The following CEP85L variants were observed in gnomAD, a reference collection of about 807,000 sequenced individuals.
CEP85L encodes the protein centrosomal protein 85L.
A neutral mutation model predicts 100.3 loss-of-function variants in CEP85L; 60 were observed. The ratio of observed to expected loss-of-function variants is 0.60; its 90% CI spans 0.49 to 0.74. CEP85L has a LOEUF of 0.74. Ranked by LOEUF, CEP85L falls within the 30% of genes least tolerant of loss-of-function variation. The pLI is 0.00. For synonymous variants in CEP85L, 319 were observed against 322.7 expected, an observed-to-expected ratio of 0.99 and a Z score of 0.12; for missense variants, 973 against 936.2, an observed-to-expected ratio of 1.04 and a Z score of -0.51.
At chr6:118,676,390 T>A (rs2115437705) in intron 1 of CEP85L, among the ~76,000 whole-genome samples, 1 of 152,304 alleles carries the variant, frequency 6.6e-6, no homozygotes, top group Non-Finnish European at 1.5e-5. Context: ...TCTGCTTCCA[T>A]TAGTTTAACT....
intron 4 of CEP85L, among the ~76,000 whole-genome samples, chr6:118,523,378 C>T (rs113763266): frequency 4.2e-4 from 64 of 152,148 alleles, no homozygotes; most frequent in Non-Finnish European, 7.8e-4. Context: ...TTTACACATT[C>T]GTCATTTTTG....
intron 2 of CEP85L, among the ~76,000 whole-genome samples, chr6:118,630,991 G>A (rs1303780102): frequency 1.3e-5 from 2 of 152,200 alleles, no homozygotes; most frequent in South Asian, 2.1e-4. Flanking sequence ...ACCCTGGTCC[G>A]TGGAAAAACT....
chr6:118,474,342 A>G (rs186857331), intron 10 of CEP85L, among the ~76,000 whole-genome samples: 1 of 152,214 alleles, frequency 6.6e-6, no homozygotes, highest in Non-Finnish European at 1.5e-5. Context: ...CTTCAGACTG[A>G]CAGAGCCAAT....
intron 2 of CEP85L, among the ~76,000 whole-genome samples, chr6:118,575,560 C>T (rs147995465): frequency 1.5e-3 from 221 of 152,266 alleles, no homozygotes; most frequent in Non-Finnish European, 2.4e-3. Context: ...CCAAACACCT[C>T]TAACTTCCCT....
At chr6:118,702,712 G>T (rs1020498037) in intron 1 of CEP85L, among the ~76,000 whole-genome samples, 1 of 151,952 alleles carries the variant, frequency 6.6e-6, no homozygotes, top group Non-Finnish European at 1.5e-5. Flanking sequence ...AAGAGCTGGA[G>T]TTGGCCAGGC....
chr6:118,572,515 T>G (rs559619271), intron 2 of CEP85L, among the ~76,000 whole-genome samples: 1 of 151,798 alleles, frequency 6.6e-6, no homozygotes, highest in East Asian at 2.0e-4. Context: ...GAGGTTGCAG[T>G]GAGCTGAGAT....
intron 1 of CEP85L, among the ~76,000 whole-genome samples, chr6:118,667,798 C>T (rs928541828): frequency 2.0e-5 from 3 of 152,174 alleles, no homozygotes; most frequent in African/African-American, 7.2e-5. Context: ...ATCTACTACC[C>T]ACTGTGTGTC....
chr6:118,640,788 C>A (rs1774814607), intron 1 of CEP85L, among the ~76,000 whole-genome samples: 1 of 152,128 alleles, frequency 6.6e-6, no homozygotes, highest in Admixed American at 6.5e-5. Context: ...CTCAGCCTCC[C>A]AAAGTACTGG....
rs769198684 is a variant in CEP85L at position 118,588,359 on chromosome 6, G to A, written c.233-22043C>T. Among the ~76,000 whole-genome samples the A allele has an allele frequency of 2.4e-4, 37 of 152,046 alleles. 1 individual carries two copies. Among genetic ancestry groups the A allele is most frequent in the Non-Finnish European group, 3.4e-4 (23 of 68,024 alleles). On this transcript the variant is annotated intron_variant, in intron 2 of 12. Transcript: ENST00000368491. Reference sequence around the variant, plus strand: ...CAATGAGGATGGAAGGCAACTGTATGGGCCATAGAGGCACAACCACAATCT... The same window carrying A: ...CAATGAGGATGGAAGGCAACTGTATAGGCCATAGAGGCACAACCACAATCT...
At chr6:118,491,230 CACACACACAT>C (rs368541896) in intron 6 of CEP85L, among the ~76,000 whole-genome samples, 166 of 133,530 alleles carry the variant, frequency 1.2e-3, no homozygotes, top group South Asian at 2.6e-3. Context: ...CACACACACA[CACACACACAT>C]ATGCATGCAT....
At chr6:118,647,825 T>C (rs574628239) in intron 1 of CEP85L, among the ~76,000 whole-genome samples, 2 of 152,322 alleles carry the variant, frequency 1.3e-5, no homozygotes, top group African/African-American at 2.4e-5. Flanking sequence ...TTCTGAACAA[T>C]AGGGTAATCT....
chr6:118,594,984 G>C (rs527973679), intron 2 of CEP85L, among the ~76,000 whole-genome samples: 12 of 152,062 alleles, frequency 7.9e-5, no homozygotes, highest in Admixed American at 3.9e-4. Flanking sequence ...TCCTGAGGAA[G>C]GTTACGAGCC....
At chr6:118,599,009 T>C (rs192182448) in intron 2 of CEP85L, among the ~76,000 whole-genome samples, 2 of 152,330 alleles carry the variant, frequency 1.3e-5, no homozygotes, top group East Asian at 1.9e-4. Flanking sequence ...TCAATACTAA[T>C]ACTGACGAAT....
intron 1 of CEP85L, among the ~76,000 whole-genome samples, chr6:118,635,169 ATATGAG>A (rs1216460777): frequency 1.3e-5 from 2 of 152,218 alleles, no homozygotes; most frequent in Non-Finnish European, 2.9e-5. Context: ...TTACAAATAA[ATATGAG>A]TATAAGGACA....
chr6:118,597,479 T>G (rs1209110525), intron 2 of CEP85L, among the ~76,000 whole-genome samples: 1 of 152,138 alleles, frequency 6.6e-6, no homozygotes, highest in Non-Finnish European at 1.5e-5. Context: ...AACAAAAATT[T>G]TAACATATTT....
chr6:118,524,368 C>T (rs1214752997), intron 3 of CEP85L, among the ~76,000 whole-genome samples: 3 of 152,026 alleles, frequency 2.0e-5, no homozygotes, highest in East Asian at 3.9e-4. Flanking sequence ...GGCGTGAACC[C>T]GGGAGGCGGA....
Position 118,632,522 on chromosome 6 carries a change from T to C in CEP85L, c.163A>G (p.Arg55Gly). Reference sequence around the variant, plus strand: ...CTGTCAGAAGCTATACTGTGTCTCCTGATATGGTTATTTCGATGGTTAGAT... The same window carrying C: ...CTGTCAGAAGCTATACTGTGTCTCCCGATATGGTTATTTCGATGGTTAGAT... The part of the protein sequence containing the change: ...VPSNHRNNHI[R>G]RHSIASDSGD... Residue 55 changes from arginine to glycine, a missense_variant, in exon 2 of 13, where the codon AGG (arginine) becomes GGG (glycine). By Grantham distance (125) the Arg-to-Gly change is moderately radical (BLOSUM62 -2). Around this residue, in one of 3 missense-constraint regions of CEP85L, gnomAD observed 79 missense variants for 73.3 expected, o/e 1.08. Transcript: ENST00000368491. 1 of 1,613,346 alleles carries C rather than the reference T, an allele frequency of 6.2e-7. No homozygotes were observed. The highest frequency in any genetic ancestry group is 8.5e-7 in the Non-Finnish European group (1 of 1,179,666).
upstream of CEP85L, chr6:118,656,793 T>A (rs1414777658): frequency 4.6e-5 from 7 of 152,248 alleles, no homozygotes; most frequent in African/African-American, 1.7e-4. Flanking sequence ...TTCTAGCTAT[T>A]TTAAAATATA....
At chr6:118,678,079 A>G (rs1166640310) in intron 1 of CEP85L, among the ~76,000 whole-genome samples, 1 of 152,236 alleles carries the variant, frequency 6.6e-6, no homozygotes, top group African/African-American at 2.4e-5. Context: ...TAATTTGTAC[A>G]GGGAAGAAAA....
Sources: gnomAD v4.1 joint callset for allele counts (sites outside exome capture counted in the v4.1 genomes callset) on GRCh38, gnomAD v4.1.1 for gene constraint, gnomAD v4.1.1 regional missense constraint, MANE v1.5 for transcripts, NCBI Gene and HGNC (gene_info 2026-07-23, HGNC 2026-07-21) for gene names.